The following CLIP4 variants were observed in gnomAD, a reference collection of about 807,000 sequenced individuals.
CLIP4 encodes the protein CAP-Gly domain-containing linker protein 4.
Under a neutral mutation model 73.1 loss-of-function variants are expected in CLIP4, and 47 were observed. The observed-to-expected ratio is 0.64, with a 90% CI of 0.51 to 0.82. The LOEUF is 0.82. CLIP4 is among the 40% of genes least tolerant of loss of function. CLIP4 has a pLI of 0.00. For synonymous variants in CLIP4, 306 were observed against 295.4 expected (o/e 1.04, Z -0.37); for missense variants, 874 against 852.9 (o/e 1.02, Z -0.31).
intron 2 of CLIP4, among the ~76,000 whole-genome samples, chr2:29,130,360 G>C (rs1172332382): frequency 6.6e-6 from 1 of 152,146 alleles, no homozygotes; most frequent in African/African-American, 2.4e-5. Context: ...TCTCACGAAG[G>C]TTATAGTAAG....
chr2:29,101,297 A>C (rs765597148), intron 1 of CLIP4, among the ~76,000 whole-genome samples: 4 of 148,208 alleles, frequency 2.7e-5, no homozygotes, highest in African/African-American at 1.0e-4. Flanking sequence ...CCCCCCCCCA[A>C]AACAAAAAAA....
chr2:29,151,918 C>T (rs1443673691), intron 8 of CLIP4, among the ~76,000 whole-genome samples: 1 of 151,970 alleles, frequency 6.6e-6, no homozygotes, highest in Non-Finnish European at 1.5e-5. Context: ...ATTTTGTACT[C>T]CCAGCTGCTG....
At chr2:29,175,172 A>T (rs1045821323) in intron 15 of CLIP4, among the ~76,000 whole-genome samples, 4 of 152,132 alleles carry the variant, frequency 2.6e-5, no homozygotes, top group African/African-American at 9.7e-5. Context: ...TTGATGTCCC[A>T]CTGTGGATAG....
At chr2:29,116,293 G>C (rs1663828536) in intron 1 of CLIP4, among the ~76,000 whole-genome samples, 1 of 152,190 alleles carries the variant, frequency 6.6e-6, no homozygotes, top group African/African-American at 2.4e-5. Flanking sequence ...GGCTGTTCAC[G>C]TCATCCAGAC....
In CLIP4 at chr2:29,145,365, A is replaced by G. The variant is rs1470758068; in HGVS notation, c.1019A>G (p.Tyr340Cys). The part of the protein sequence containing the change: ...KVQYFKCAPK[Y>C]GIFAPLSKIS... ...CAGTACTTTAAATGTGCCCCCAAGT[A>G]TGGTAAGGTTGATATTATTTAACTC... Residue 340 changes from tyrosine (Y) to cysteine (C), a missense_variant and splice_region_variant, in exon 8 of 16, where the codon TAT becomes TGT. Coordinates refer to ENST00000320081, the MANE Select transcript of CLIP4 (RefSeq NM_024692.6). The G allele has an allele frequency of 5.0e-6, 8 of 1,604,856 alleles. No individual in the cohort carries two copies. Among genetic ancestry groups the G allele is most frequent in the East Asian group, 2.2e-5 (1 of 44,812 alleles).
intron 12 of CLIP4, 125 bp downstream of exon 12, chr2:29,160,592 AG>A: frequency 1.9e-6 from 2 of 1,037,006 alleles, no homozygotes; most frequent in South Asian, 1.7e-5. Flanking sequence ...TGGCAGCTAT[AG>A]TACAGAAAAT....
chr2:29,142,752 GAA>G (rs1225957388), intron 6 of CLIP4, among the ~76,000 whole-genome samples: 1 of 152,116 alleles, frequency 6.6e-6, no homozygotes, highest in African/African-American at 2.4e-5. Context: ...TGAAGAAAGG[GAA>G]AAAAGTTTCT....
At chr2:29,112,763 G>C (rs368636747), upstream of CLIP4, among the ~76,000 whole-genome samples, 1 of 152,212 alleles carries the variant, frequency 6.6e-6, no homozygotes, top group African/African-American at 2.4e-5. Context: ...CTCCAATCTG[G>C]TGCCCCAATT....
At chr2:29,158,726 T>A (rs1667099215) in intron 11 of CLIP4, among the ~76,000 whole-genome samples, 1 of 152,220 alleles carries the variant, frequency 6.6e-6, no homozygotes, top group African/African-American at 2.4e-5. Context: ...ATTCGGGGAA[T>A]GGGAAAGGTA....
intron 6 of CLIP4, among the ~76,000 whole-genome samples, chr2:29,141,094 C>T (rs866586344): frequency 6.6e-6 from 1 of 152,040 alleles, no homozygotes; most frequent in Admixed American, 6.6e-5. Flanking sequence ...ACCCAAAAGT[C>T]ATTCTGGAGC....
intron 1 of CLIP4, among the ~76,000 whole-genome samples, chr2:29,109,951 G>A (rs911241718): frequency 1.3e-5 from 2 of 152,030 alleles, no homozygotes; most frequent in African/African-American, 2.4e-5. Flanking sequence ...CCAGCTACTC[G>A]GTAGGCTGAG....
chr2:29,114,972 CGGA>C (rs374590964), upstream of CLIP4: 240 of 152,490 alleles, frequency 1.6e-3, 2 homozygotes, highest in African/African-American at 5.6e-3. Context: ...CCTTGGGAGA[CGGA>C]GAAGGGGTCA....
At chr2:29,154,584 C>T (rs1450141155) in intron 9 of CLIP4, among the ~76,000 whole-genome samples, 1 of 152,182 alleles carries the variant, frequency 6.6e-6, no homozygotes, top group Non-Finnish European at 1.5e-5. Context: ...AAAGCTTAGA[C>T]ATTCTACTCA....
intron 14 of CLIP4, among the ~76,000 whole-genome samples, chr2:29,174,085 C>A (rs1668177783): frequency 6.6e-6 from 1 of 151,926 alleles, no homozygotes; most frequent in Non-Finnish European, 1.5e-5. Flanking sequence ...ATCTAAACTA[C>A]CGTTATATTC....
intron 1 of CLIP4, among the ~76,000 whole-genome samples, chr2:29,118,682 C>T (rs1036846944): frequency 1.3e-5 from 2 of 151,842 alleles, no homozygotes; most frequent in African/African-American, 2.4e-5. Flanking sequence ...CCATGCCCAG[C>T]GAATTTTTTG....
chr2:29,101,300 C>CAAAAAAAAAAAAAAA (rs1174781959), intron 1 of CLIP4, among the ~76,000 whole-genome samples: 1 of 83,552 alleles, frequency 1.2e-5, no homozygotes, highest in Non-Finnish European at 2.6e-5. Context: ...CCCCCCAAAA[C>CAAAAAAAAAAAAAAA]AAAAAAAAAA....
At chr2:29,177,736 C>G (rs915040520) in intron 15 of CLIP4, among the ~76,000 whole-genome samples, 16 of 152,208 alleles carry the variant, frequency 1.1e-4, no homozygotes, top group African/African-American at 3.9e-4. Context: ...TTAGCTGATT[C>G]TGTACTGTAT....
intron 14 of CLIP4, among the ~76,000 whole-genome samples, chr2:29,170,682 A>G (rs552765235): frequency 3.3e-5 from 5 of 152,268 alleles, no homozygotes; most frequent in African/African-American, 1.2e-4. Context: ...CAAACCCAAG[A>G]TCACTCTGAT....
At chr2:29,162,721 T>C (rs527733597) in intron 12 of CLIP4, among the ~76,000 whole-genome samples, 2 of 152,212 alleles carry the variant, frequency 1.3e-5, no homozygotes, top group African/African-American at 4.8e-5. Flanking sequence ...GGAAATGTGA[T>C]GACCTATGTT....
Sources: gnomAD v4.1 joint callset for allele counts (sites outside exome capture counted in the v4.1 genomes callset) on GRCh38, gnomAD v4.1.1 for gene constraint, MANE v1.5 for transcripts, NCBI Gene and HGNC (gene_info 2026-07-23, HGNC 2026-07-21) for gene names.